HECTD4: variants seen among roughly 807,000 people sequenced by gnomAD.
HECTD4 encodes HECT domain E3 ubiquitin protein ligase 4, also known as probable E3 ubiquitin-protein ligase HECTD4.
A neutral mutation model predicts 471.5 loss-of-function variants in HECTD4; 114 were observed. That is an observed-to-expected ratio of 0.24 (90% CI 0.21 to 0.28). The LOEUF is 0.28. Among genes scored for constraint, HECTD4 ranks in the 10% least tolerant of loss-of-function variants. The pLI is 1.00. For missense variants in HECTD4, 3,866 were observed against 5,651.5 expected (o/e 0.68, Z 10.13); for synonymous variants, 2,012 against 2,256.0 (o/e 0.89, Z 3.07).
chr12:112,276,309 G>A (rs555496730), intron 9 of HECTD4, among the ~76,000 whole-genome samples: 1 of 151,950 alleles, frequency 6.6e-6, no homozygotes, highest in South Asian at 2.1e-4. Context: ...AATTTCAACT[G>A]AGCAAAAAAG....
chr12:112,355,231 T>G (rs1380132716), intron 1 of HECTD4, among the ~76,000 whole-genome samples: 1 of 146,694 alleles, frequency 6.8e-6, no homozygotes, highest in East Asian at 2.1e-4. Context: ...CGCCTTGGCC[T>G]CTCAGAGTGC....
intron 1 of HECTD4, among the ~76,000 whole-genome samples, chr12:112,340,327 A>T (rs1288565627): frequency 6.6e-6 from 1 of 152,158 alleles, no homozygotes; most frequent in Non-Finnish European, 1.5e-5. Flanking sequence ...CAAGTGCTTC[A>T]CATTTTTAGA....
chr12:112,195,482 T>C (rs960221975), intron 55 of HECTD4, among the ~76,000 whole-genome samples: 2 of 152,224 alleles, frequency 1.3e-5, no homozygotes, highest in African/African-American at 4.8e-5. Flanking sequence ...TGAAACATCA[T>C]GTTCTCAGTG....
At chr12:112,206,439 G>A (rs1446670889) in intron 52 of HECTD4, among the ~76,000 whole-genome samples, 1 of 151,902 alleles carries the variant, frequency 6.6e-6, no homozygotes, top group Non-Finnish European at 1.5e-5. Flanking sequence ...AGGCTGCAAT[G>A]AGCTATGATT....
Position 112,243,885 on chromosome 12 carries a change from T to C in HECTD4, c.4638A>G (p.Arg1546=), listed in dbSNP as rs772777793. The change falls in exon 30 of 76, where the codon AGA becomes AGG. Residue 1546 remains arginine, a synonymous_variant. Coordinates refer to ENST00000682272, the MANE Select transcript of HECTD4 (RefSeq NM_001388303.1). The surrounding 1 kb of genome is among the most constrained non-coding windows in gnomAD (Gnocchi z 6.6). ...MIGNEDLEFT[R]ANQRRRHVTS... ...CATTAGCCATTTACCTCTGATTTGC[T>C]CTAGTAAATTCCAAATCTTCATTAC... 2 of 1,614,034 alleles carry C rather than the reference T, an allele frequency of 1.2e-6. No homozygotes were observed. Among genetic ancestry groups the C allele is most frequent in the Non-Finnish European group, 1.7e-6 (2 of 1,179,892 alleles).
At position 112,264,086 on chromosome 12, in the gene HECTD4, G is replaced by T; in HGVS notation, c.2746C>A (p.Gln916Lys). The change falls in exon 17 of 76, where the codon CAG becomes AAG. Residue 916 changes from glutamine to lysine, a missense_variant and splice_region_variant. By Grantham distance (53) the Gln-to-Lys change is moderately conservative. This residue lies in a region of HECTD4 where 525 missense variants were observed against 672.6 expected (regional missense o/e 0.78). Transcript: ENST00000682272. ...SSLQGETLKV[Q>K]ELKVSILALA... ...TTAAAATAAAGCTTGGTGTTTACCT[G>T]TACCTTCAATGTCTCTCCCTGCAAG... is the stretch of plus-strand genomic sequence containing the variant. 6.2e-7 allele frequency: 1 copy of T among 1,609,272 alleles called. No individual in the cohort carries two copies. The highest frequency in any genetic ancestry group is 1.1e-5 in the South Asian group (1 of 89,642).
At chr12:112,264,632 A>G (rs542325689) in intron 16 of HECTD4, among the ~76,000 whole-genome samples, 2 of 152,344 alleles carry the variant, frequency 1.3e-5, no homozygotes, top group South Asian at 4.1e-4. Flanking sequence ...AGATAAAACA[A>G]AAACTCCCAA....
intron 8 of HECTD4, 125 bp downstream of exon 8, chr12:112,282,985 G>T: frequency 1.6e-6 from 1 of 639,602 alleles, no homozygotes. Flanking sequence ...ACAATGACTG[G>T]AAGACCAAAT....
At chr12:112,283,025 G>A in intron 8 of HECTD4, 85 bp downstream of exon 8, 1 of 1,087,934 alleles carries the variant, frequency 9.2e-7, no homozygotes, top group South Asian at 1.9e-5. Flanking sequence ...AAAGGGCTTT[G>A]TACAGCACGG....
At position 112,164,157 on chromosome 12, in the gene HECTD4, G is replaced by A. The variant is rs1250322111; in HGVS notation, c.12653C>T (p.Thr4218Met). The stretch of plus-strand genomic sequence containing the variant: ...GCTGCACAGCTCCACCTCCTCGCCC[G>A]TCATGGTCAGGTAGGTGAACCTGCA... The part of the protein sequence containing the change: ...PCCRFTYLTM[T>M]GEEVELCSRG... Residue 4218 changes from threonine (T) to methionine (M), a missense_variant, in exon 73 of 76, where the codon ACG (threonine) becomes ATG (methionine). By Grantham distance (81) the Thr-to-Met change is moderately conservative (BLOSUM62 -1). Around this residue, in one of 16 missense-constraint regions of HECTD4, gnomAD observed 715 missense variants for 1,087.6 expected, o/e 0.66. Coordinates refer to ENST00000682272, the MANE Select transcript of HECTD4 (RefSeq NM_001388303.1). 3.7e-6 allele frequency: 6 copies of A among 1,613,208 alleles called. No individual in the cohort carries two copies. The highest frequency in any genetic ancestry group is 2.2e-5 in the East Asian group (1 of 44,888).
chr12:112,241,093 C>T (rs2033633165), intron 32 of HECTD4, among the ~76,000 whole-genome samples: 1 of 152,150 alleles, frequency 6.6e-6, no homozygotes. Context: ...ACAGTTAGAA[C>T]ACAGACACTA....
chr12:112,185,713 G>T (rs1341016434), intron 60 of HECTD4, among the ~76,000 whole-genome samples: 1 of 152,246 alleles, frequency 6.6e-6, no homozygotes, highest in African/African-American at 2.4e-5. Context: ...GAGCTGACAG[G>T]TCAGCTCCAG....
At chr12:112,171,318 G>A in intron 67 of HECTD4, 55 bp from the exon 68 acceptor site, 1 of 1,555,234 alleles carries the variant, frequency 6.4e-7, no homozygotes, top group Non-Finnish European at 8.7e-7. Flanking sequence ...TGAGATGCCT[G>A]ACTCACAGGC....
intron 66 of HECTD4, among the ~76,000 whole-genome samples, chr12:112,175,297 G>A (rs1043909543): frequency 2.6e-5 from 4 of 152,198 alleles, no homozygotes; most frequent in African/African-American, 9.6e-5. Flanking sequence ...TGGTATCCTT[G>A]TAAGAACAGG....
chr12:112,207,879 T>C lies in HECTD4; in HGVS notation c.8126A>G (p.Gln2709Arg). The C allele has an allele frequency of 6.2e-7, 1 of 1,613,930 alleles. No homozygotes were observed. Among genetic ancestry groups the C allele is most frequent in the Non-Finnish European group, 8.5e-7 (1 of 1,179,844 alleles). ...SGLDQIKGAL[Q>R]LGMVDIARQT... The stretch of plus-strand genomic sequence containing the variant: ...CAGAACAAAAAGTACCAGACCTAGT[T>C]GTAAGGCCCCCTTTATCTGGTCCAG... The change falls in exon 52 of 76, where the codon CAA becomes CGA. Residue 2709 changes from glutamine to arginine, a missense_variant. Physicochemically the swap from Gln to Arg is conservative, Grantham distance 43 (BLOSUM62 1). This residue lies in a region of HECTD4 where 266 missense variants were observed against 441.6 expected (regional missense o/e 0.60). Coordinates refer to ENST00000682272, the MANE Select transcript of HECTD4 (RefSeq NM_001388303.1).
chr12:112,269,453 T>C (rs185520826), intron 13 of HECTD4, among the ~76,000 whole-genome samples: 1 of 151,898 alleles, frequency 6.6e-6, no homozygotes, highest in East Asian at 1.9e-4. Context: ...ACTTAAAGGG[T>C]TGGTTTTGTT....
intron 38 of HECTD4, 143 bp downstream of exon 38, chr12:112,232,861 T>G (rs1351118606): frequency 2.1e-5 from 14 of 671,672 alleles, no homozygotes; most frequent in Non-Finnish European, 3.3e-5. Context: ...TGGCCTCAGT[T>G]AAGGCACTGA....
chr12:112,329,972 A>T (rs571305896), intron 1 of HECTD4, among the ~76,000 whole-genome samples: 3 of 152,102 alleles, frequency 2.0e-5, no homozygotes, highest in South Asian at 4.2e-4. Flanking sequence ...AATATTTTTT[A>T]AAAATCAAAA....
At chr12:112,360,423 G>C (rs1324325657) in intron 1 of HECTD4, among the ~76,000 whole-genome samples, 1 of 152,114 alleles carries the variant, frequency 6.6e-6, no homozygotes, top group African/African-American at 2.4e-5. Context: ...TATATCAAAA[G>C]GGTTTCCATT....
Sources: allele counts gnomAD v4.1 joint callset (sites outside exome capture counted in the v4.1 genomes callset), GRCh38; gene constraint gnomAD v4.1.1; regional missense constraint gnomAD v4.1.1; non-coding constraint Gnocchi (gnomAD v3.1); transcripts MANE v1.5; gene names NCBI Gene and HGNC (gene_info 2026-07-23, HGNC 2026-07-21).